Variants in GNB4 observed in about 807,000 individuals in gnomAD.
GNB4 encodes the protein guanine nucleotide-binding protein subunit beta-4.
In GNB4, 28 loss-of-function variants were observed where a neutral mutation model predicts 45.2. The ratio of observed to expected loss-of-function variants is 0.62; its 90% CI spans 0.46 to 0.85. GNB4 has a LOEUF of 0.85. Ranked by LOEUF, GNB4 falls within the 40% of genes least tolerant of loss-of-function variation. GNB4 has a pLI of 0.00. For missense variants in GNB4, 321 were observed against 425.4 expected (o/e 0.75, Z 2.16); for synonymous variants, 132 against 143.7 (o/e 0.92, Z 0.58).
chr3:179,481,764 T>C, the GNB4 span, among the ~76,000 whole-genome samples: 1 of 152,256 alleles, frequency 6.6e-6, no homozygotes, highest in South Asian at 2.1e-4. Flanking sequence ...AAATATATTT[T>C]GCTCAATCAA....
the GNB4 span, among the ~76,000 whole-genome samples, chr3:179,523,766 A>T: frequency 5.3e-5 from 8 of 152,100 alleles, no homozygotes; most frequent in East Asian, 1.4e-3. Flanking sequence ...GGGGTCCCAT[A>T]CTTGTGGGTT....
At chr3:179,527,088 GGA>G in the GNB4 span, among the ~76,000 whole-genome samples, 1 of 152,158 alleles carries the variant, frequency 6.6e-6, no homozygotes, top group African/African-American at 2.4e-5. Context: ...GGCCACAGCT[GGA>G]GAGAGTGTTT....
At chr3:179,471,415 A>G in the GNB4 span, among the ~76,000 whole-genome samples, 1 of 152,126 alleles carries the variant, frequency 6.6e-6, no homozygotes, top group Non-Finnish European at 1.5e-5. Context: ...TACCATTTTT[A>G]AATATTTTAT....
chr3:179,515,474 G>A, the GNB4 span, among the ~76,000 whole-genome samples: 4 of 152,194 alleles, frequency 2.6e-5, no homozygotes, highest in Non-Finnish European at 2.9e-5. Context: ...ACAGTCAAAG[G>A]GGGTTATTCT....
the GNB4 span, among the ~76,000 whole-genome samples, chr3:179,498,614 T>C: frequency 7.7e-4 from 117 of 152,278 alleles, 1 homozygote; most frequent in Non-Finnish European, 3.1e-4. Context: ...TTTGTATTTT[T>C]AGTGGAGCCA....
chr3:179,447,208 C>T (rs1715755371), intron 1 of GNB4, among the ~76,000 whole-genome samples: 1 of 151,988 alleles, frequency 6.6e-6, no homozygotes, highest in Admixed American at 6.6e-5. Flanking sequence ...AGCAAAGGCC[C>T]AGGCAGAAAC....
At chr3:179,516,059 A>G in the GNB4 span, among the ~76,000 whole-genome samples, 10 of 152,256 alleles carry the variant, frequency 6.6e-5, no homozygotes, top group Non-Finnish European at 1.3e-4. Context: ...ACATCCAATT[A>G]GAGAGTGCCC....
intron 1 of GNB4, among the ~76,000 whole-genome samples, chr3:179,438,280 G>A (rs1715511797): frequency 6.6e-6 from 1 of 152,144 alleles, no homozygotes; most frequent in African/African-American, 2.4e-5. Flanking sequence ...CTTTACACAT[G>A]GAGGTTATGG....
chr3:179,520,254 G>A, the GNB4 span, among the ~76,000 whole-genome samples: 107,049 of 146,060 alleles, frequency 0.73, 39,969 homozygotes, highest in East Asian at 0.99. Context: ...TACTTCAGTC[G>A]AGCCCAAATT....
chr3:179,426,047 T>A, intron 2 of GNB4, 97 bp downstream of exon 2: 2 of 914,064 alleles, frequency 2.2e-6, no homozygotes, highest in Non-Finnish European at 3.4e-6. Flanking sequence ...TTTCTAGCCT[T>A]AGAAATCATT....
chr3:179,507,602 G>A, the GNB4 span, among the ~76,000 whole-genome samples: 1 of 152,116 alleles, frequency 6.6e-6, no homozygotes, highest in Non-Finnish European at 1.5e-5. Flanking sequence ...AGCTCCCTCT[G>A]CCTGGAGTGC....
At chr3:179,453,927 T>C (rs1715941129), upstream of GNB4, among the ~76,000 whole-genome samples, 1 of 152,200 alleles carries the variant, frequency 6.6e-6, no homozygotes, top group Non-Finnish European at 1.5e-5. Context: ...AAAAGAATTT[T>C]GTCATCAGGA....
chr3:179,525,061 T>G, the GNB4 span, among the ~76,000 whole-genome samples: 1 of 151,330 alleles, frequency 6.6e-6, no homozygotes, highest in Non-Finnish European at 1.5e-5. Flanking sequence ...ACTCAGAGCT[T>G]GGGATGCAGA....
At chr3:179,483,942 C>T in the GNB4 span, among the ~76,000 whole-genome samples, 1 of 152,090 alleles carries the variant, frequency 6.6e-6, no homozygotes. Flanking sequence ...CATCCTCTAC[C>T]CATTCCCTCT....
At chr3:179,477,475 G>A in the GNB4 span, among the ~76,000 whole-genome samples, 1 of 152,116 alleles carries the variant, frequency 6.6e-6, no homozygotes, top group Non-Finnish European at 1.5e-5. Flanking sequence ...AATAAGAATG[G>A]CCTTTGCTCC....
chr3:179,420,867 A>G (rs201518554), intron 3 of GNB4, 22 bp downstream of exon 3: 404 of 1,502,390 alleles, frequency 2.7e-4, no homozygotes, highest in Admixed American at 6.2e-4. Flanking sequence ...CCAAAATGAA[A>G]TAAAGAAAAA....
At chr3:179,484,462 T>C in the GNB4 span, among the ~76,000 whole-genome samples, 3 of 152,226 alleles carry the variant, frequency 2.0e-5, no homozygotes, top group South Asian at 6.2e-4. Flanking sequence ...TTTGAGGCCA[T>C]GCGCACAGCA....
chr3:179,514,428 T>A, the GNB4 span, among the ~76,000 whole-genome samples: 1 of 152,158 alleles, frequency 6.6e-6, no homozygotes, highest in Non-Finnish European at 1.5e-5. Flanking sequence ...GGTTGCACCT[T>A]CTCTGAGGGC....
the GNB4 span, among the ~76,000 whole-genome samples, chr3:179,503,783 T>C: frequency 6.6e-6 from 1 of 152,232 alleles, no homozygotes; most frequent in East Asian, 1.9e-4. Context: ...CAAACCTACA[T>C]GGTTGCATTC....
Sources: allele counts gnomAD v4.1 joint callset (sites outside exome capture counted in the v4.1 genomes callset), GRCh38; gene constraint gnomAD v4.1.1; transcripts MANE v1.5; gene names NCBI Gene and HGNC (gene_info 2026-07-23, HGNC 2026-07-21).